CSMD1: variants seen among roughly 807,000 people sequenced by gnomAD.
CSMD1 encodes the protein CUB and sushi domain-containing protein 1.
CSMD1 carries 213 observed loss-of-function variants against 417.5 expected under a neutral mutation model. That is an observed-to-expected ratio of 0.51 (90% CI 0.46 to 0.57). The LOEUF (loss-of-function observed/expected upper bound fraction) is 0.57, where lower values mean the gene tolerates loss of function less well. Among genes scored for constraint, CSMD1 ranks in the 20% least tolerant of loss-of-function variants. CSMD1 has a pLI of 0.00. For missense variants in CSMD1, 6,923 were observed against 4,529.7 expected (o/e 1.53, Z -15.17); for synonymous variants, 2,862 against 1,736.8 (o/e 1.65, Z -16.11).
rs189866013 is a variant in CSMD1, at chr8:4,011,854, G to T, written c.611-13744C>A. Reference sequence around the variant, plus strand: ...TCATCTTTGGTATCCATTGGGAATTGGTTCCAGGATCCACAATGCTCAAGT... The same window carrying T: ...TCATCTTTGGTATCCATTGGGAATTTGTTCCAGGATCCACAATGCTCAAGT... On this transcript the variant is annotated intron_variant, in intron 4 of 69. Coordinates refer to ENST00000635120, the MANE Select transcript of CSMD1 (RefSeq NM_033225.6). Among the ~76,000 whole-genome samples the T allele has an allele frequency of 3.2e-3, 486 of 152,158 alleles. 4 individuals are homozygous for T. Among genetic ancestry groups the T allele is most frequent in the Non-Finnish European group, 4.6e-3 (311 of 68,010 alleles).
intron 1 of CSMD1, among the ~76,000 whole-genome samples, chr8:4,749,451 G>A (rs1056894181): frequency 1.3e-5 from 2 of 152,152 alleles, no homozygotes; most frequent in South Asian, 2.1e-4. Context: ...ATGGAAATAA[G>A]GTTAAGACCC....
intron 5 of CSMD1, among the ~76,000 whole-genome samples, chr8:3,803,514 A>C (rs1800570389): frequency 6.6e-6 from 1 of 152,166 alleles, no homozygotes; most frequent in African/African-American, 2.4e-5. Context: ...ATGCACAGAA[A>C]ACCCAGGGGC....
chr8:4,978,873 G>A (rs1305916058), intron 1 of CSMD1, among the ~76,000 whole-genome samples: 1 of 136,300 alleles, frequency 7.3e-6, no homozygotes, highest in Non-Finnish European at 1.7e-5. Flanking sequence ...AGGAGGCGGA[G>A]GTTGCAGTGA....
rs1433826801 is a variant in CSMD1 at position 3,323,088 on chromosome 8, C to T, written c.3632-14585G>A. On this transcript the variant is annotated intron_variant, in intron 23 of 69. Transcript: ENST00000635120. ...ATAAATTATGCAGTTTTAAAAACAT[C>T]TGTCATTTATCTTTCCACCTCTAAC... is the stretch of plus-strand genomic sequence containing the variant. 2.0e-5 allele frequency among the ~76,000 whole-genome samples: 3 copies of T among 152,148 alleles called. No individual in the cohort carries two copies. In the East Asian group the frequency reaches 5.8e-4, roughly 29 times the overall value.
chr8:2,955,160 G>A (rs1201278987), intron 64 of CSMD1, among the ~76,000 whole-genome samples: 1 of 152,188 alleles, frequency 6.6e-6, no homozygotes, highest in Non-Finnish European at 1.5e-5. Context: ...CAAACAGCAT[G>A]TGGTCTTAAA....
At chr8:4,353,927 T>A (rs1801246422) in intron 3 of CSMD1, among the ~76,000 whole-genome samples, 1 of 152,176 alleles carries the variant, frequency 6.6e-6, no homozygotes, top group African/African-American at 2.4e-5. Context: ...CAATGTTCAT[T>A]TGAGGTATAT....
chr8:4,909,048 T>G (rs987703284), intron 1 of CSMD1, among the ~76,000 whole-genome samples: 2 of 152,202 alleles, frequency 1.3e-5, no homozygotes, highest in Admixed American at 1.3e-4. Context: ...TAAGCAGGAC[T>G]TTAGCATGAA....
intron 3 of CSMD1, among the ~76,000 whole-genome samples, chr8:4,231,470 C>T (rs1281207155): frequency 6.6e-6 from 1 of 151,736 alleles, no homozygotes; most frequent in Non-Finnish European, 1.5e-5. Flanking sequence ...AGTGAACTCT[C>T]TCAGGGCCAG....
chr8:3,046,084 G>C (rs1320830051), intron 50 of CSMD1, among the ~76,000 whole-genome samples: 6 of 152,152 alleles, frequency 3.9e-5, no homozygotes, highest in African/African-American at 1.2e-4. Context: ...ATAAAGAGAA[G>C]TTTGTGAATT....
intron 25 of CSMD1, among the ~76,000 whole-genome samples, chr8:3,302,939 G>C (rs1340952188): frequency 6.6e-6 from 1 of 152,130 alleles, no homozygotes; most frequent in Non-Finnish European, 1.5e-5. Flanking sequence ...CTACATGTCT[G>C]GTAAGGTCAC....
At chr8:4,554,622 T>C (rs1445696696) in intron 2 of CSMD1, among the ~76,000 whole-genome samples, 1 of 152,222 alleles carries the variant, frequency 6.6e-6, no homozygotes. Flanking sequence ...TGTGTTGATT[T>C]TACCTTATTG....
chr8:4,015,539 A>G (rs1223924230), intron 4 of CSMD1, among the ~76,000 whole-genome samples: 2 of 152,116 alleles, frequency 1.3e-5, no homozygotes, highest in Non-Finnish European at 2.9e-5. Context: ...ACTATTTAGC[A>G]TGTTTTATTA....
rs2129068986 is a variant in CSMD1 at position 3,794,376 on chromosome 8, G to T, written c.819-40334C>A. 2.0e-5 allele frequency among the ~76,000 whole-genome samples: 3 copies of T among 152,222 alleles called. No homozygotes were observed. The Middle Eastern group carries it at 0.01, about 518-fold the overall frequency. Reference sequence around the variant, plus strand: ...GCTAAATAAAACACTTATAGATCATGAAGTTTCATCCATGTAGTTTTCTAT... The same window carrying T: ...GCTAAATAAAACACTTATAGATCATTAAGTTTCATCCATGTAGTTTTCTAT... On this transcript the variant is annotated intron_variant, in intron 5 of 69. Coordinates refer to ENST00000635120, the MANE Select transcript of CSMD1 (RefSeq NM_033225.6).
intron 2 of CSMD1, among the ~76,000 whole-genome samples, chr8:4,451,821 A>G (rs960847225): frequency 1.3e-5 from 2 of 152,044 alleles, no homozygotes; most frequent in Non-Finnish European, 2.9e-5. Flanking sequence ...GGCTCTTACC[A>G]CAGTGAGTTT....
chr8:4,991,937 A>T (rs1811487986), intron 1 of CSMD1, among the ~76,000 whole-genome samples: 1 of 152,134 alleles, frequency 6.6e-6, no homozygotes, highest in Non-Finnish European at 1.5e-5. Flanking sequence ...CTCGTGGGCC[A>T]GACAATAGCG....
chr8:3,708,035 C>G (rs528688269), intron 7 of CSMD1, among the ~76,000 whole-genome samples: 130 of 152,264 alleles, frequency 8.5e-4, no homozygotes, highest in Non-Finnish European at 1.6e-3. Context: ...TTTCAATAGA[C>G]AAAAGACAAA....
At chr8:4,398,563 T>G (rs1804427318) in intron 3 of CSMD1, among the ~76,000 whole-genome samples, 1 of 151,496 alleles carries the variant, frequency 6.6e-6, no homozygotes, top group African/African-American at 2.4e-5. Context: ...CCGGCCAAAT[T>G]TTTTTGTATT....
chr8:3,174,287 A>G (rs1298195291), intron 37 of CSMD1, among the ~76,000 whole-genome samples: 1 of 152,194 alleles, frequency 6.6e-6, no homozygotes, highest in Non-Finnish European at 1.5e-5. Flanking sequence ...TAAGCTCAGG[A>G]GTTGGAGACT....
At chr8:4,935,609 C>T (rs1415790376) in intron 1 of CSMD1, among the ~76,000 whole-genome samples, 3 of 152,144 alleles carry the variant, frequency 2.0e-5, no homozygotes, top group Non-Finnish European at 4.4e-5. Context: ...TTTTCATTTG[C>T]TCTCATTCTC....
Sources: gnomAD v4.1 joint callset for allele counts (sites outside exome capture counted in the v4.1 genomes callset) on GRCh38, gnomAD v4.1.1 for gene constraint, MANE v1.5 for transcripts, NCBI Gene and HGNC (gene_info 2026-07-23, HGNC 2026-07-21) for gene names.